The following BLTP3A variants were observed in gnomAD, a reference collection of about 807,000 sequenced individuals.
The protein encoded by BLTP3A is ICBP90 binding protein 1.
At chr6:34,863,214 TTCTTAATTC>T in the BLTP3A span, among the ~76,000 whole-genome samples, 6 of 152,192 alleles carry the variant, frequency 3.9e-5, no homozygotes, top group Non-Finnish European at 8.8e-5. Flanking sequence ...GCCTGAGTTT[TTCTTAATTC>T]TACCTTTAAC....
the BLTP3A span, chr6:34,877,277 A>G: frequency 4.6e-5 from 7 of 152,804 alleles, no homozygotes; most frequent in East Asian, 1.3e-3. Flanking sequence ...ACTGAATGGT[A>G]GTGAGGAAAG....
chr6:34,853,285 TC>T, the BLTP3A span, among the ~76,000 whole-genome samples: 1 of 152,066 alleles, frequency 6.6e-6, no homozygotes, highest in East Asian at 1.9e-4. Flanking sequence ...CAGGGGATCC[TC>T]CTGCCTCAGC....
At chr6:34,872,238 C>A in the BLTP3A span, 3 of 1,518,780 alleles carry the variant, frequency 2.0e-6, no homozygotes, top group South Asian at 1.3e-5. Flanking sequence ...AACTCTTCCT[C>A]CCTGTTCCCT....
At chr6:34,824,451 G>A in the BLTP3A span, among the ~76,000 whole-genome samples, 9 of 150,658 alleles carry the variant, frequency 6.0e-5, no homozygotes, top group African/African-American at 1.5e-4. Context: ...CCAGCTGCTC[G>A]GGAGGCTGAG....
the BLTP3A span, among the ~76,000 whole-genome samples, chr6:34,869,744 C>T: frequency 1.6e-4 from 24 of 150,264 alleles, no homozygotes; most frequent in African/African-American, 5.4e-4. Flanking sequence ...CTCCGCCTCC[C>T]GGGTTCAAGT....
the BLTP3A span, among the ~76,000 whole-genome samples, chr6:34,864,884 T>C: frequency 0.45 from 68,379 of 151,898 alleles, 17,494 homozygotes; most frequent in African/African-American, 0.71. Flanking sequence ...AGGAGAATTG[T>C]TTGAACCGGG....
chr6:34,870,652 A>G, the BLTP3A span, among the ~76,000 whole-genome samples: 11,664 of 152,290 alleles, frequency 0.077, 645 homozygotes, highest in East Asian at 0.33. Flanking sequence ...GGACTTGGCA[A>G]TCAGACTGCC....
At chr6:34,805,800 A>T in the BLTP3A span, among the ~76,000 whole-genome samples, 1 of 151,794 alleles carries the variant, frequency 6.6e-6, no homozygotes, top group Non-Finnish European at 1.5e-5. Flanking sequence ...TAAAGTAAGC[A>T]ATTATTAAAT....
the BLTP3A span, chr6:34,792,338 T>C: frequency 6.7e-7 from 1 of 1,501,318 alleles, no homozygotes; most frequent in Non-Finnish European, 8.9e-7. Context: ...GGGCCCTTCC[T>C]AACCCTCTCC....
chr6:34,811,515 C>T, the BLTP3A span, among the ~76,000 whole-genome samples: 15 of 152,086 alleles, frequency 9.9e-5, no homozygotes, highest in African/African-American at 3.6e-4. Flanking sequence ...GGGAGGATCT[C>T]CTGAGTCCAG....
chr6:34,834,771 T>A, the BLTP3A span: 1 of 1,614,222 alleles, frequency 6.2e-7, no homozygotes, highest in East Asian at 2.2e-5. Flanking sequence ...TTGAGGCAGA[T>A]GCTACAGACA....
At chr6:34,858,978 C>G in the BLTP3A span, 11 of 1,614,118 alleles carry the variant, frequency 6.8e-6, no homozygotes, top group African/African-American at 1.3e-5. Context: ...TTGGAGTTCT[C>G]TTTCCCAGTG....
chr6:34,875,980 T>G, the BLTP3A span: 1 of 152,654 alleles, frequency 6.6e-6, no homozygotes, highest in Admixed American at 6.5e-5. Flanking sequence ...CTCAAAGACT[T>G]CAGCCACTGC....
the BLTP3A span, among the ~76,000 whole-genome samples, chr6:34,865,820 T>C: frequency 2.6e-5 from 4 of 152,238 alleles, no homozygotes. Context: ...TTTGTTATTA[T>C]TTTTAACTTC....
chr6:34,825,570 G>A, the BLTP3A span, among the ~76,000 whole-genome samples: 1 of 152,204 alleles, frequency 6.6e-6, no homozygotes, highest in Non-Finnish European at 1.5e-5. Context: ...GCCTCCCAAA[G>A]TGTGGGGATC....
At chr6:34,857,544 A>G in the BLTP3A span, 2 of 1,557,988 alleles carry the variant, frequency 1.3e-6, no homozygotes, top group Non-Finnish European at 1.7e-6. Flanking sequence ...GCCACTACGT[A>G]TATTTTTATT....
the BLTP3A span, among the ~76,000 whole-genome samples, chr6:34,810,315 A>G: frequency 6.6e-6 from 1 of 152,234 alleles, no homozygotes. Context: ...TTTTTACTGC[A>G]ATATGCAATT....
the BLTP3A span, among the ~76,000 whole-genome samples, chr6:34,810,704 A>G: frequency 3.9e-5 from 6 of 152,128 alleles, no homozygotes; most frequent in Admixed American, 3.9e-4. Flanking sequence ...CCTGGGCTCA[A>G]GCATTCCTCC....
At chr6:34,835,536 G>T in the BLTP3A span, 2 of 1,492,708 alleles carry the variant, frequency 1.3e-6, no homozygotes, top group Non-Finnish European at 9.0e-7. Context: ...TACTAATGTA[G>T]GTGGAATCTA....
Sources: allele counts gnomAD v4.1 joint callset (sites outside exome capture counted in the v4.1 genomes callset), GRCh38; gene constraint gnomAD v4.1.1; transcripts MANE v1.5; gene names NCBI Gene and HGNC (gene_info 2026-07-23, HGNC 2026-07-21).